Variants in PPARD observed in about 807,000 individuals in gnomAD.
PPARD encodes peroxisome proliferator-activated receptor delta.
A neutral mutation model predicts 39.5 loss-of-function variants in PPARD; 6 were observed. The ratio of observed to expected loss-of-function variants is 0.15; its 90% confidence interval spans 0.08 to 0.30. The LOEUF (loss-of-function observed/expected upper bound fraction) is 0.30. PPARD is among the 10% of genes least tolerant of loss of function. The pLI is 1.00. For synonymous variants in PPARD, 210 were observed against 231.3 expected (o/e 0.91, Z 0.83); for missense variants, 397 against 596.8 (o/e 0.67, Z 3.49).
chr6:35,360,399 C>G (rs1019917597), intron 2 of PPARD, among the ~76,000 whole-genome samples: 9 of 152,268 alleles, frequency 5.9e-5, no homozygotes, highest in Middle Eastern at 6.8e-3. Context: ...GTCGTTACCC[C>G]ACGGATGAGA....
At chr6:35,417,188 G>C (rs981730349) in intron 3 of PPARD, among the ~76,000 whole-genome samples, 1 of 151,894 alleles carries the variant, frequency 6.6e-6, no homozygotes, top group East Asian at 1.9e-4. Context: ...TATAGAGATA[G>C]AGACAGGGTC....
intron 5 of PPARD, among the ~76,000 whole-genome samples, chr6:35,423,344 G>C (rs1328240516): frequency 6.6e-6 from 1 of 151,708 alleles, no homozygotes; most frequent in African/African-American, 2.4e-5. Flanking sequence ...GCCTGGCCAA[G>C]ATGGTGAAAC....
At chr6:35,350,824 A>C (rs1412937421) in intron 2 of PPARD, among the ~76,000 whole-genome samples, 1 of 151,450 alleles carries the variant, frequency 6.6e-6, no homozygotes, top group Non-Finnish European at 1.5e-5. Context: ...ATGGGGTTTC[A>C]CCATGTTGGT....
At chr6:35,354,986 A>G (rs7744392) in intron 2 of PPARD, among the ~76,000 whole-genome samples, 14,480 of 152,130 alleles carry the variant, frequency 0.095, 1,261 homozygotes, top group African/African-American at 0.23. Context: ...CCCTGTGAGG[A>G]TTAAAATGAA....
At chr6:35,416,584 A>C (rs1320485215) in intron 3 of PPARD, among the ~76,000 whole-genome samples, 2 of 152,036 alleles carry the variant, frequency 1.3e-5, no homozygotes, top group African/African-American at 2.4e-5. Flanking sequence ...GGTTGTTTTG[A>C]GGTTTTACGT....
chr6:35,379,504 G>A (rs1763014038), intron 2 of PPARD, among the ~76,000 whole-genome samples: 1 of 152,342 alleles, frequency 6.6e-6, no homozygotes, highest in African/African-American at 2.4e-5. Context: ...TCAGTACTGT[G>A]CTGGGTGCTA....
chr6:35,375,243 A>T (rs1267657869), intron 2 of PPARD, among the ~76,000 whole-genome samples: 38 of 90,450 alleles, frequency 4.2e-4, no homozygotes, highest in Admixed American at 7.2e-4. Flanking sequence ...TTGGAGATGG[A>T]GTCTTGCTCT....
In PPARD at chr6:35,370,329, C is replaced by G. The variant is rs7772754; in HGVS notation, c.-102+23179C>G. Among the ~76,000 whole-genome samples the G allele has an allele frequency of 2.7e-3, 407 of 152,290 alleles. 3 individuals are homozygous for G. Among genetic ancestry groups the G allele is most frequent in the African/African-American group, 9.3e-3 (388 of 41,554 alleles). ...AAGGCTGCATCGTGTTGTCTGGCCA[C>G]TTCCTCTATTGTGTGCAGGCATGTT... On this transcript the variant is annotated intron_variant, in intron 2 of 7. Transcript: ENST00000360694.
At chr6:35,395,081 G>A (rs1764240494) in intron 2 of PPARD, among the ~76,000 whole-genome samples, 3 of 152,128 alleles carry the variant, frequency 2.0e-5, no homozygotes, top group African/African-American at 7.2e-5. Flanking sequence ...TGCTGTCTTC[G>A]CACCTTGGGA....
chr6:35,387,279 G>C (rs766213553), intron 2 of PPARD, among the ~76,000 whole-genome samples: 1 of 152,136 alleles, frequency 6.6e-6, no homozygotes, highest in African/African-American at 2.4e-5. Context: ...CAGCATCTGC[G>C]TGGCTTCTGG....
intron 2 of PPARD, among the ~76,000 whole-genome samples, chr6:35,398,206 A>G (rs1297474440): frequency 6.6e-6 from 1 of 152,188 alleles, no homozygotes; most frequent in African/African-American, 2.4e-5. Flanking sequence ...ACTGCTGTAC[A>G]GAGAGTGGGT....
At chr6:35,355,463 A>T (rs80188099) in intron 2 of PPARD, among the ~76,000 whole-genome samples, 2,186 of 149,684 alleles carry the variant, frequency 0.015, 184 homozygotes, top group Admixed American at 0.12. Context: ...GAGGTAGGAG[A>T]ATCACTCAAG....
chr6:35,420,626 C>T (rs1029865315), intron 4 of PPARD, among the ~76,000 whole-genome samples: 9 of 152,230 alleles, frequency 5.9e-5, no homozygotes, highest in East Asian at 1.9e-4. Flanking sequence ...AGGCTCAAAG[C>T]GGGCTCTGAG....
intron 2 of PPARD, among the ~76,000 whole-genome samples, chr6:35,351,945 A>G (rs1464119088): frequency 1.5e-5 from 2 of 133,606 alleles, no homozygotes; most frequent in African/African-American, 5.9e-5. Context: ...GGCTCACTGT[A>G]TCTAGCCTTG....
intron 2 of PPARD, among the ~76,000 whole-genome samples, chr6:35,355,182 C>T (rs1761500200): frequency 6.6e-6 from 1 of 152,000 alleles, no homozygotes; most frequent in African/African-American, 2.4e-5. Flanking sequence ...TGCAGCACCC[C>T]ATTTTTTTTT....
At position 35,420,155 on chromosome 6, in the gene PPARD, A is replaced by T. The variant is rs1187309869; in HGVS notation, c.159A>T (p.Ser53=). Residue 53 remains serine, a synonymous_variant, in exon 4 of 8, where the codon TCA becomes TCT. Transcript: ENST00000360694. ...TCTCCCGGAGCTCCTCGCCACCCTC[A>T]CTGCTGGACCAACTGCAGATGGGCT... The part of the protein sequence containing the change: ...TDLSRSSSPP[S]LLDQLQMGCD... 6.2e-7 allele frequency: 1 copy of T among 1,613,316 alleles called. No homozygotes were observed. The highest frequency in any genetic ancestry group is 1.7e-5 in the Admixed American group (1 of 59,966).
Position 35,427,350 on chromosome 6 carries a change from G to A in PPARD, c.*1271G>A, listed in dbSNP as rs116361977. 115 of 153,224 alleles carry A rather than the reference G, an allele frequency of 7.5e-4. No homozygotes were observed. The highest frequency in any genetic ancestry group is 2.7e-3 in the African/African-American group (111 of 41,610). 9.5% of individuals were successfully genotyped at this position (153,224 alleles called of 1,614,324 possible). A position where few individuals can be genotyped will look rare whatever the true frequency, so the allele number is the denominator to read the frequency against. On this transcript the variant is annotated 3_prime_UTR_variant, in exon 8 of 8. Coordinates refer to ENST00000360694, the MANE Select transcript of PPARD (RefSeq NM_006238.5). Reference sequence around the variant, plus strand: ...GAGGGGCCTGCAGGTGAGCAGGCAGGGCTGGGCCAGGTCTCCGGGGAGGCA... The same window carrying A: ...GAGGGGCCTGCAGGTGAGCAGGCAGAGCTGGGCCAGGTCTCCGGGGAGGCA...
At chr6:35,379,605 G>A (rs187688647) in intron 2 of PPARD, among the ~76,000 whole-genome samples, 11 of 152,368 alleles carry the variant, frequency 7.2e-5, no homozygotes, top group Non-Finnish European at 1.5e-4. Context: ...CTAGCACACA[G>A]AAAGCTGCAA....
chr6:35,395,583 G>T (rs969864984), intron 2 of PPARD, among the ~76,000 whole-genome samples: 4 of 152,230 alleles, frequency 2.6e-5, no homozygotes, highest in Non-Finnish European at 5.9e-5. Context: ...AGTGACAGAG[G>T]TTTCACCTAG....
Sources: allele counts gnomAD v4.1 joint callset (sites outside exome capture counted in the v4.1 genomes callset), GRCh38; gene constraint gnomAD v4.1.1; transcripts MANE v1.5; gene names NCBI Gene and HGNC (gene_info 2026-07-23, HGNC 2026-07-21).